Variants in DPH6 observed in about 807,000 individuals in gnomAD.
DPH6 encodes the protein diphthine--ammonia ligase.
DPH6 carries 33 observed loss-of-function variants against 38.2 expected under a neutral mutation model. That is an observed-to-expected ratio of 0.86 (90% CI 0.65 to 1.15). DPH6 has a LOEUF of 1.15. Ranked by LOEUF, DPH6 falls within the 50% of genes most tolerant of loss-of-function variation. The pLI is 0.00. For missense variants in DPH6, 325 were observed against 320.0 expected (o/e 1.02, Z -0.12); for synonymous variants, 108 against 103.0 (o/e 1.05, Z -0.30).
At chr15:35,544,981 A>C (rs2055322893) in intron 1 of DPH6, among the ~76,000 whole-genome samples, 1 of 152,238 alleles carries the variant, frequency 6.6e-6, no homozygotes, top group South Asian at 2.1e-4. Flanking sequence ...AACAACAATA[A>C]TTATTGTGAC....
chr15:35,355,521 A>T (rs530666566), intron 3 of DPH6, among the ~76,000 whole-genome samples: 1 of 152,050 alleles, frequency 6.6e-6, no homozygotes, highest in African/African-American at 2.4e-5. Flanking sequence ...TCTGTAAAGG[A>T]TTTTATTTCT....
At chr15:35,545,216 C>G (rs2055327214) in intron 1 of DPH6, among the ~76,000 whole-genome samples, 1 of 152,194 alleles carries the variant, frequency 6.6e-6, no homozygotes. Flanking sequence ...AGGGCAAAAT[C>G]TCATGAAACA....
chr15:35,454,289 G>A (rs904254464), intron 4 of DPH6, among the ~76,000 whole-genome samples: 3 of 152,062 alleles, frequency 2.0e-5, no homozygotes, highest in African/African-American at 7.2e-5. Context: ...TTATATGTAA[G>A]CATTTCAATC....
intron 3 of DPH6, among the ~76,000 whole-genome samples, chr15:35,537,737 G>A (rs1254966674): frequency 2.0e-5 from 3 of 151,888 alleles, no homozygotes; most frequent in Non-Finnish European, 2.9e-5. Flanking sequence ...ACAACCATAC[G>A]TAGCACCACC....
chr15:35,299,852 T>C (rs1156838210), intron 3 of DPH6, among the ~76,000 whole-genome samples: 1 of 152,206 alleles, frequency 6.6e-6, no homozygotes, highest in African/African-American at 2.4e-5. Context: ...TCCAATAAAA[T>C]ATAAACTCTA....
intron 6 of DPH6, among the ~76,000 whole-genome samples, chr15:35,397,407 G>C (rs2053148723): frequency 6.6e-6 from 1 of 152,174 alleles, no homozygotes; most frequent in African/African-American, 2.4e-5. Context: ...AACTGCTACT[G>C]ATAAAGATGG....
the DPH6 span, among the ~76,000 whole-genome samples, chr15:35,198,194 T>A: frequency 3.0e-4 from 14 of 46,604 alleles, no homozygotes; most frequent in African/African-American, 4.5e-4. Flanking sequence ...TTTTATTCAT[T>A]TTTTTTCTAA....
At chr15:35,318,964 A>T (rs926794292) in intron 3 of DPH6, among the ~76,000 whole-genome samples, 10 of 152,204 alleles carry the variant, frequency 6.6e-5, no homozygotes, top group African/African-American at 2.4e-4. Flanking sequence ...ATTGAAAAAG[A>T]GCCAGCTGGT....
chr15:35,191,881 A>C, the DPH6 span, among the ~76,000 whole-genome samples: 17 of 152,020 alleles, frequency 1.1e-4, no homozygotes, highest in South Asian at 3.5e-3. Context: ...CTATGTCTCT[A>C]CTCCTACTAC....
intron 1 of DPH6, among the ~76,000 whole-genome samples, chr15:35,542,965 T>TATATAAAA (rs58422347): frequency 3.9e-5 from 3 of 76,178 alleles, no homozygotes; most frequent in Non-Finnish European, 7.8e-5. Flanking sequence ...TATATATATA[T>TATATAAAA]AAAATAATTT....
intron 3 of DPH6, among the ~76,000 whole-genome samples, chr15:35,338,715 A>C (rs549473474): frequency 4.9e-4 from 74 of 152,310 alleles, no homozygotes; most frequent in African/African-American, 1.7e-3. Flanking sequence ...TCATGCTGCC[A>C]TAAAGACACA....
the DPH6 span, among the ~76,000 whole-genome samples, chr15:35,170,183 A>G: frequency 6.6e-6 from 1 of 152,246 alleles, no homozygotes; most frequent in African/African-American, 2.4e-5. Flanking sequence ...TGGCTTGGAA[A>G]GAGTGAGAAC....
intron 5 of DPH6, among the ~76,000 whole-genome samples, chr15:35,417,676 A>G (rs16960875): frequency 0.031 from 4,654 of 152,176 alleles, 249 homozygotes; most frequent in African/African-American, 0.11. Flanking sequence ...ATTCTATCCT[A>G]TAAAATCATT....
intron 3 of DPH6, among the ~76,000 whole-genome samples, chr15:35,495,240 A>G (rs1171593785): frequency 6.6e-6 from 1 of 152,160 alleles, no homozygotes; most frequent in African/African-American, 2.4e-5. Context: ...CTCTTATCCA[A>G]TATGTCCGGT....
intron 3 of DPH6, among the ~76,000 whole-genome samples, chr15:35,274,846 G>C (rs189227689): frequency 6.6e-6 from 1 of 152,198 alleles, no homozygotes; most frequent in Non-Finnish European, 1.5e-5. Context: ...ATTCCTCAAG[G>C]ATCTAGAACC....
intron 3 of DPH6, among the ~76,000 whole-genome samples, chr15:35,513,686 A>G (rs2054806753): frequency 6.6e-6 from 1 of 152,012 alleles, no homozygotes. Context: ...TTATCAAATC[A>G]TAACAAAACA....
intron 3 of DPH6, chr15:35,237,833 G>A: frequency 9.7e-6 from 15 of 1,545,096 alleles, no homozygotes; most frequent in Non-Finnish European, 1.3e-5. Context: ...CCTGGAGGAG[G>A]AGGAGGAGGA....
chr15:35,178,870 A>G, the DPH6 span, among the ~76,000 whole-genome samples: 1 of 152,082 alleles, frequency 6.6e-6, no homozygotes, highest in African/African-American at 2.4e-5. Context: ...TTTGTACCCC[A>G]ACCAGCTAGT....
intron 6 of DPH6, among the ~76,000 whole-genome samples, chr15:35,382,958 A>G (rs1043111976): frequency 6.6e-6 from 1 of 152,142 alleles, no homozygotes; most frequent in Non-Finnish European, 1.5e-5. Flanking sequence ...AAAATCTCCT[A>G]TCTGGTTGGC....
Sources: allele counts gnomAD v4.1 joint callset (sites outside exome capture counted in the v4.1 genomes callset), GRCh38; gene constraint gnomAD v4.1.1; transcripts MANE v1.5; gene names NCBI Gene and HGNC (gene_info 2026-07-23, HGNC 2026-07-21).